ANK1: variants seen among roughly 807,000 people sequenced by gnomAD.
The protein encoded by ANK1 is ankyrin 1, also known as ankyrin-1.
A neutral mutation model predicts 210.4 loss-of-function variants in ANK1; 51 were observed. The ratio of observed to expected loss-of-function variants is 0.24; its 90% confidence interval spans 0.19 to 0.31. The LOEUF is 0.31. Among genes scored for constraint, ANK1 ranks in the 10% least tolerant of loss-of-function variants. The pLI is 1.00. For synonymous variants in ANK1, 967 were observed against 1,025.9 expected, an observed-to-expected ratio of 0.94 and a Z score of 1.10; for missense variants, 2,051 against 2,504.4, an observed-to-expected ratio of 0.82 and a Z score of 3.86.
At chr8:41,759,593 A>G (rs1839973117) in intron 1 of ANK1, among the ~76,000 whole-genome samples, 1 of 152,258 alleles carries the variant, frequency 6.6e-6, no homozygotes, top group Non-Finnish European at 1.5e-5. Flanking sequence ...ATTAGGTATT[A>G]TAAGTAATCT....
intron 1 of ANK1, among the ~76,000 whole-genome samples, chr8:41,771,168 C>T (rs1842888939): frequency 6.6e-6 from 1 of 152,130 alleles, no homozygotes; most frequent in Non-Finnish European, 1.5e-5. Flanking sequence ...ACAGAAAGAA[C>T]TTTCCAGCTA....
chr8:41,831,258 G>A (rs1292993160), intron 1 of ANK1, among the ~76,000 whole-genome samples: 4 of 152,102 alleles, frequency 2.6e-5, no homozygotes, highest in Non-Finnish European at 2.9e-5. Flanking sequence ...AGCTGCGGGC[G>A]CTCATACCTC....
At chr8:41,799,636 G>A (rs1043431030), upstream of ANK1, among the ~76,000 whole-genome samples, 4 of 152,258 alleles carry the variant, frequency 2.6e-5, no homozygotes, top group South Asian at 4.1e-4. Context: ...CAGTGCTTCC[G>A]GTGGGCAACA....
chr8:41,774,966 C>T (rs1298849408), intron 1 of ANK1, among the ~76,000 whole-genome samples: 3 of 152,336 alleles, frequency 2.0e-5, no homozygotes, highest in African/African-American at 4.8e-5. Context: ...CCTTCCTCTG[C>T]GGCCTGCTGG....
At chr8:41,665,076 G>T (rs1260353331) in intron 39 of ANK1, 1 of 1,596,164 alleles carries the variant, frequency 6.3e-7, no homozygotes, top group Non-Finnish European at 8.5e-7. Context: ...CGGCCACCAC[G>T]GGGGGCCTGC....
chr8:41,726,040 A>C, intron 5 of ANK1, 94 bp from the exon 6 acceptor site: 1 of 1,423,910 alleles, frequency 7.0e-7, no homozygotes, highest in Non-Finnish European at 9.6e-7. Context: ...TTATGCTCCC[A>C]GCAGCCCCAG....
chr8:41,765,269 C>A (rs2150725290), intron 1 of ANK1, among the ~76,000 whole-genome samples: 1 of 150,240 alleles, frequency 6.7e-6, no homozygotes, highest in African/African-American at 2.5e-5. Flanking sequence ...ACAGAGTCTC[C>A]CTCTTTCTTC....
intron 3 of ANK1, among the ~76,000 whole-genome samples, chr8:41,728,836 G>T (rs568382457): frequency 6.6e-6 from 1 of 152,242 alleles, no homozygotes; most frequent in Non-Finnish European, 1.5e-5. Context: ...AGCAGACAGC[G>T]CGTTGGCGTC....
chr8:41,793,585 A>G (rs1848182735), intron 1 of ANK1, among the ~76,000 whole-genome samples: 2 of 152,182 alleles, frequency 1.3e-5, no homozygotes, highest in Non-Finnish European at 2.9e-5. Context: ...ACCACCTGTA[A>G]GAAGACCACT....
rs181246912 is a variant in ANK1 at position 41,755,015 on chromosome 8, C to A, written c.129+3021G>T. 5.3e-5 allele frequency among the ~76,000 whole-genome samples: 8 copies of A among 152,366 alleles called. No homozygotes were observed. The South Asian group carries it at 1.7e-3, about 32-fold the overall frequency. On this transcript the variant is annotated intron_variant, in intron 2 of 42. Coordinates refer to ENST00000289734, the MANE Select transcript of ANK1 (RefSeq NM_000037.4). The stretch of plus-strand genomic sequence containing the variant: ...TGTCCTGTCTTTCGTTCCCTTCTGA[C>A]GCTCATTTCATAACTTGTGGCAGTG...
At position 41,663,741 on chromosome 8, in the gene ANK1, C is replaced by T; in HGVS notation, c.5396G>A (p.Gly1799Glu). The change falls in exon 40 of 43, where the codon GGG becomes GAG. Residue 1799 changes from glycine to glutamate, a missense_variant and splice_region_variant. Gly to Glu is a moderately conservative substitution (Grantham distance 98, BLOSUM62 -2). This residue lies in a region of ANK1 where 496 missense variants were observed against 533.4 expected (regional missense o/e 0.93). Coordinates refer to ENST00000289734, the MANE Select transcript of ANK1 (RefSeq NM_000037.4). ...AKNTFTQVVQ[G>E]NEFQNIPGEQ... ...CCCTGGAATATTCTGAAACTCATTC[C>T]CCTGGAATTAGAGAAAGGGAGAAAA... The T allele has an allele frequency of 6.2e-7, 1 of 1,612,972 alleles. No homozygotes were observed. Among genetic ancestry groups the T allele is most frequent in the Non-Finnish European group, 8.5e-7 (1 of 1,178,972 alleles).
At chr8:41,778,717 G>A (rs1462450130) in intron 1 of ANK1, among the ~76,000 whole-genome samples, 1 of 152,216 alleles carries the variant, frequency 6.6e-6, no homozygotes, top group East Asian at 1.9e-4. Flanking sequence ...AGCATTAAAT[G>A]TCTCCCGTTG....
At chr8:41,869,122 G>A (rs1815017755) in intron 1 of ANK1, among the ~76,000 whole-genome samples, 1 of 152,178 alleles carries the variant, frequency 6.6e-6, no homozygotes, top group Admixed American at 6.5e-5. Flanking sequence ...AAGAAAGGAG[G>A]AAAAGATCAA....
intron 1 of ANK1, among the ~76,000 whole-genome samples, chr8:41,818,763 A>AGAATG (rs1299662407): frequency 2.6e-5 from 4 of 152,038 alleles, no homozygotes; most frequent in Non-Finnish European, 5.9e-5. Context: ...GTGAGAGAGG[A>AGAATG]GAATGGAAAA....
chr8:41,768,732 C>T (rs1015042256), intron 1 of ANK1, among the ~76,000 whole-genome samples: 3 of 149,878 alleles, frequency 2.0e-5, no homozygotes, highest in Non-Finnish European at 3.0e-5. Context: ...GAGGCTGAGG[C>T]GGGGGGATTG....
intron 1 of ANK1, among the ~76,000 whole-genome samples, chr8:41,816,855 C>T (rs771483285): frequency 2.0e-5 from 3 of 152,150 alleles, no homozygotes; most frequent in Admixed American, 6.5e-5. Flanking sequence ...ATTAAATAGA[C>T]CTTATCCAGA....
chr8:41,703,426 A>G (rs548723512), intron 20 of ANK1, among the ~76,000 whole-genome samples: 1,238 of 46,978 alleles, frequency 0.026, 10 homozygotes, highest in Non-Finnish European at 0.034. Context: ...GTGTGTGTAT[A>G]TATATATATA....
At chr8:41,760,812 T>C (rs574653648) in intron 1 of ANK1, among the ~76,000 whole-genome samples, 4 of 152,262 alleles carry the variant, frequency 2.6e-5, no homozygotes, top group Admixed American at 6.5e-5. Context: ...AAGCCACACA[T>C]GGGAGAAGCG....
At position 41,769,714 on chromosome 8, in the gene ANK1, T is replaced by A. The variant is rs1317104399; in HGVS notation, c.28-11577A>T. ...GTATATCCCTGAAACCATGGCCACA[T>A]AAGATAATGGGCATAATCACCTCCA... is the stretch of plus-strand genomic sequence containing the variant. On this transcript the variant is annotated intron_variant, in intron 1 of 42. Coordinates refer to ENST00000289734, the MANE Select transcript of ANK1 (RefSeq NM_000037.4). 2.0e-5 allele frequency among the ~76,000 whole-genome samples: 3 copies of A among 152,258 alleles called. No individual in the cohort carries two copies. The East Asian group carries it at 5.8e-4, about 29-fold the overall frequency.
Sources: gnomAD v4.1 joint callset for allele counts (sites outside exome capture counted in the v4.1 genomes callset) on GRCh38, gnomAD v4.1.1 for gene constraint, gnomAD v4.1.1 regional missense constraint, MANE v1.5 for transcripts, NCBI Gene and HGNC (gene_info 2026-07-23, HGNC 2026-07-21) for gene names.